The following SH3PXD2A variants were observed in gnomAD, a reference collection of about 807,000 sequenced individuals.
SH3PXD2A encodes the protein SH3 and PX domain-containing protein 2A.
SH3PXD2A carries 32 observed loss-of-function variants against 115.2 expected under a neutral mutation model. The observed-to-expected ratio is 0.28, with a 90% CI of 0.21 to 0.37. The LOEUF (loss-of-function observed/expected upper bound fraction) is 0.37. SH3PXD2A is among the 10% of genes least tolerant of loss of function. The pLI is 1.00. For missense variants in SH3PXD2A, 1,328 were observed against 1,498.7 expected (o/e 0.89, Z 1.88); for synonymous variants, 610 against 629.1 (o/e 0.97, Z 0.45).
intron 2 of SH3PXD2A, among the ~76,000 whole-genome samples, chr10:103,767,513 T>G (rs1486361169): frequency 6.6e-6 from 1 of 152,152 alleles, no homozygotes; most frequent in African/African-American, 2.4e-5. Context: ...GGGCCTAGTT[T>G]CTTTCCTACT....
At chr10:103,692,799 G>C (rs546405039) in intron 6 of SH3PXD2A, among the ~76,000 whole-genome samples, 4 of 152,248 alleles carry the variant, frequency 2.6e-5, no homozygotes, top group African/African-American at 9.6e-5. Flanking sequence ...GCGGGAGCCC[G>C]AGCGAGTCGG....
chr10:103,742,414 T>A (rs555043128), intron 3 of SH3PXD2A, among the ~76,000 whole-genome samples: 1 of 152,306 alleles, frequency 6.6e-6, no homozygotes, highest in African/African-American at 2.4e-5. Context: ...TGTCACTGAG[T>A]TTAGTGCCCA....
At chr10:103,778,421 T>C (rs1260178176) in intron 2 of SH3PXD2A, among the ~76,000 whole-genome samples, 1 of 152,216 alleles carries the variant, frequency 6.6e-6, no homozygotes, top group East Asian at 1.9e-4. Flanking sequence ...GCACCTCCCT[T>C]GGCACTGTTT....
intron 1 of SH3PXD2A, among the ~76,000 whole-genome samples, chr10:103,846,756 G>A (rs769994728): frequency 6.6e-6 from 1 of 152,212 alleles, no homozygotes; most frequent in East Asian, 1.9e-4. Flanking sequence ...CAACCAACTA[G>A]GCCTAAGGTG....
chr10:103,753,612 A>G (rs1486531671), intron 3 of SH3PXD2A, among the ~76,000 whole-genome samples: 6 of 151,920 alleles, frequency 3.9e-5, no homozygotes, highest in Non-Finnish European at 7.4e-5. Context: ...TGGGTAAGTC[A>G]TGCACCCCTT....
chr10:103,716,858 C>A (rs974643750), intron 5 of SH3PXD2A, among the ~76,000 whole-genome samples: 3 of 152,216 alleles, frequency 2.0e-5, no homozygotes, highest in Non-Finnish European at 4.4e-5. Flanking sequence ...GCAAAGGCAG[C>A]CTTGCATCTC....
intron 1 of SH3PXD2A, among the ~76,000 whole-genome samples, chr10:103,838,830 T>C (rs1488461581): frequency 6.6e-6 from 1 of 152,214 alleles, no homozygotes. Flanking sequence ...TAAAGATTTT[T>C]CCATTTGGAT....
intron 1 of SH3PXD2A, among the ~76,000 whole-genome samples, chr10:103,824,815 T>C (rs1391388415): frequency 6.6e-6 from 1 of 152,162 alleles, no homozygotes; most frequent in East Asian, 1.9e-4. Flanking sequence ...CATCTCTCTA[T>C]TTTTTGAGAT....
At chr10:103,750,247 G>A (rs1330647732) in intron 3 of SH3PXD2A, among the ~76,000 whole-genome samples, 1 of 152,042 alleles carries the variant, frequency 6.6e-6, no homozygotes, top group East Asian at 1.9e-4. Flanking sequence ...AGAGATGGGG[G>A]TCTCTATGTT....
intron 5 of SH3PXD2A, among the ~76,000 whole-genome samples, chr10:103,718,759 G>T (rs2038138994): frequency 1.6e-5 from 1 of 62,032 alleles, no homozygotes; most frequent in African/African-American, 6.2e-5. Flanking sequence ...CCCCCAATCA[G>T]GACACACACA....
Position 103,622,540 on chromosome 10 carries a change from G to A in SH3PXD2A, c.732C>T (p.Arg244=), listed in dbSNP as rs552411422. The A allele has an allele frequency of 4.6e-4, 713 of 1,550,068 alleles. 5 individuals carry two copies. The South Asian group carries it at 7.8e-3, about 17-fold the overall frequency. ...TSKTGEVSKR[R]KAHLRRLDRR... ...GATCCAGGCGCCGCAGATGGGCCTTGCGTCTCTTGGACACTGGTGTGGGAG... is the reference window on the plus strand; with the variant it reads ...GATCCAGGCGCCGCAGATGGGCCTTACGTCTCTTGGACACTGGTGTGGGAG... The change falls in exon 10 of 15, where the codon CGC becomes CGT. Residue 244 remains arginine (R), a synonymous_variant. Coordinates refer to ENST00000369774, the MANE Select transcript of SH3PXD2A (RefSeq NM_001394015.1).
intron 5 of SH3PXD2A, among the ~76,000 whole-genome samples, chr10:103,711,398 G>A (rs1210298623): frequency 2.0e-5 from 3 of 152,164 alleles, no homozygotes; most frequent in Admixed American, 6.5e-5. Context: ...CCTGGGGCAC[G>A]TAACTACCTG....
Position 103,711,834 on chromosome 10 carries a change from C to T in SH3PXD2A, c.398+12436G>A, listed in dbSNP as rs901117860. ...CGTTGGGAAGCCGAGGCGGGAGGAT[C>T]GTTTGAAGCCAAGAATTTGCGACTA... On this transcript the variant is annotated intron_variant, in intron 5 of 14. Coordinates refer to ENST00000369774, the MANE Select transcript of SH3PXD2A (RefSeq NM_001394015.1). 3.3e-5 allele frequency among the ~76,000 whole-genome samples: 5 copies of T among 152,094 alleles called. No homozygotes were observed. The South Asian group carries it at 8.3e-4, about 25-fold the overall frequency.
At chr10:103,604,735 T>C (rs1236433367) in intron 14 of SH3PXD2A, among the ~76,000 whole-genome samples, 2 of 152,248 alleles carry the variant, frequency 1.3e-5, no homozygotes, top group African/African-American at 4.8e-5. Context: ...CTTTGGGTCC[T>C]ACATTCTGTC....
At chr10:103,655,308 T>C (rs1259301865) in intron 8 of SH3PXD2A, among the ~76,000 whole-genome samples, 1 of 152,196 alleles carries the variant, frequency 6.6e-6, no homozygotes, top group African/African-American at 2.4e-5. Context: ...TTTTCCGCAA[T>C]GCAGACTACA....
At chr10:103,832,285 T>C (rs888571476) in intron 1 of SH3PXD2A, among the ~76,000 whole-genome samples, 1 of 151,892 alleles carries the variant, frequency 6.6e-6, no homozygotes, top group Non-Finnish European at 1.5e-5. Flanking sequence ...ATAAAAATCA[T>C]TGCACGTGTC....
intron 4 of SH3PXD2A, among the ~76,000 whole-genome samples, chr10:103,730,378 G>A (rs1310703480): frequency 1.3e-5 from 2 of 152,058 alleles, no homozygotes; most frequent in East Asian, 3.9e-4. Context: ...GCACAAGGGG[G>A]CTGGCATCCT....
At chr10:103,638,547 C>A (rs2036900628) in intron 8 of SH3PXD2A, among the ~76,000 whole-genome samples, 1 of 152,236 alleles carries the variant, frequency 6.6e-6, no homozygotes, top group African/African-American at 2.4e-5. Context: ...TGGTTTCCAG[C>A]GAGGGCGCCA....
chr10:103,651,586 T>C (rs2037123955), intron 8 of SH3PXD2A, among the ~76,000 whole-genome samples: 1 of 152,230 alleles, frequency 6.6e-6, no homozygotes, highest in Admixed American at 6.5e-5. Context: ...CTCCCAGCTG[T>C]GCAACCTTGG....
Sources: allele counts gnomAD v4.1 joint callset (sites outside exome capture counted in the v4.1 genomes callset), GRCh38; gene constraint gnomAD v4.1.1; transcripts MANE v1.5; gene names NCBI Gene and HGNC (gene_info 2026-07-23, HGNC 2026-07-21).